The following SVIL variants were observed in gnomAD, a reference collection of about 807,000 sequenced individuals.
SVIL encodes the protein archvillin.
A neutral mutation model predicts 240.4 loss-of-function variants in SVIL; 101 were observed. The observed-to-expected ratio is 0.42, with a 90% CI of 0.36 to 0.50. SVIL has a LOEUF of 0.50. SVIL is among the 20% of genes least tolerant of loss of function. SVIL has a pLI of 0.01. For missense variants in SVIL, 2,512 were observed against 2,818.7 expected, an observed-to-expected ratio of 0.89 and a Z score of 2.46; for synonymous variants, 999 against 1,100.0, an observed-to-expected ratio of 0.91 and a Z score of 1.82.
chr10:29,612,737 T>TA (rs1957291730), intron 1 of SVIL, among the ~76,000 whole-genome samples: 1 of 152,102 alleles, frequency 6.6e-6, no homozygotes, highest in Non-Finnish European at 1.5e-5. Context: ...TCAAAAAGTT[T>TA]AAAAAACGTA....
chr10:29,620,967 AAT>A (rs1957613098), intron 1 of SVIL, among the ~76,000 whole-genome samples: 1 of 149,880 alleles, frequency 6.7e-6, no homozygotes, highest in Admixed American at 6.6e-5. Flanking sequence ...TTATTCTTAA[AAT>A]TTTTTTTTTT....
chr10:29,544,472 C>T (rs1314475807), intron 6 of SVIL, among the ~76,000 whole-genome samples: 1 of 152,044 alleles, frequency 6.6e-6, no homozygotes. Flanking sequence ...TAGGAATAGT[C>T]TGCCAGGCCC....
intron 6 of SVIL, among the ~76,000 whole-genome samples, chr10:29,542,062 G>A (rs1179092201): frequency 6.6e-6 from 1 of 152,182 alleles, no homozygotes; most frequent in African/African-American, 2.4e-5. Context: ...CGCTAAGCCT[G>A]CTGTGTAGTT....
chr10:29,704,649 A>C (rs142319144), intron 1 of SVIL, among the ~76,000 whole-genome samples: 1 of 152,154 alleles, frequency 6.6e-6, no homozygotes, highest in Non-Finnish European at 1.5e-5. Context: ...TGATCATTTG[A>C]TCATTTCCCC....
At chr10:29,669,212 T>A (rs576859776) in intron 2 of SVIL, among the ~76,000 whole-genome samples, 3 of 152,152 alleles carry the variant, frequency 2.0e-5, no homozygotes, top group South Asian at 4.1e-4. Context: ...CCAGAAGAAT[T>A]GGGGAAGAAG....
chr10:29,463,969 G>A (rs1944578315), intron 34 of SVIL, among the ~76,000 whole-genome samples: 1 of 152,222 alleles, frequency 6.6e-6, no homozygotes, highest in African/African-American at 2.4e-5. Flanking sequence ...AAGAGTGGAA[G>A]GGATAATGCA....
intron 2 of SVIL, among the ~76,000 whole-genome samples, chr10:29,668,763 T>C (rs3858234): frequency 0.19 from 29,047 of 152,210 alleles, 2,901 homozygotes; most frequent in Middle Eastern, 0.33. Context: ...TGTGAGTCAC[T>C]GCGCCCAGCC....
intron 1 of SVIL, among the ~76,000 whole-genome samples, chr10:29,606,998 A>G (rs1957053026): frequency 6.6e-6 from 1 of 152,112 alleles, no homozygotes; most frequent in Admixed American, 6.6e-5. Flanking sequence ...CAGGTGATCC[A>G]TCCACTTCGA....
chr10:29,480,365 T>TA lies in SVIL; in HGVS notation c.5377+171dup, dbSNP rs1460116250. ...TGCTAGGTTGTTAGGAATTCGGCCT[T>TA]ACTTCTTTTCATCTCTGTAGTTTAC... On this transcript the variant is annotated intron_variant, in intron 29 of 37. Transcript: ENST00000355867. Among the ~76,000 whole-genome samples the TA allele has an allele frequency of 3.3e-5, 5 of 152,290 alleles. No homozygotes were observed. In the East Asian group the frequency reaches 7.7e-4, roughly 24 times the overall value.
chr10:29,579,688 T>C (rs1264670676), intron 1 of SVIL, among the ~76,000 whole-genome samples: 1 of 152,142 alleles, frequency 6.6e-6, no homozygotes, highest in Admixed American at 6.5e-5. Flanking sequence ...ACGCTGTCAC[T>C]TGTTCTGGCT....
intron 33 of SVIL, 142 bp downstream of exon 33, chr10:29,467,600 G>T (rs975539927): frequency 2.8e-6 from 3 of 1,064,442 alleles, no homozygotes; most frequent in Non-Finnish European, 2.7e-6. Flanking sequence ...GGCTGAGGCA[G>T]GCTGATCACT....
chr10:29,678,044 G>A (rs1960335248), intron 2 of SVIL, among the ~76,000 whole-genome samples: 1 of 152,116 alleles, frequency 6.6e-6, no homozygotes, highest in Non-Finnish European at 1.5e-5. Context: ...TACCTTATCT[G>A]AAAGACAAAG....
At chr10:29,639,346 A>G (rs1182364560), upstream of SVIL, among the ~76,000 whole-genome samples, 2 of 151,610 alleles carry the variant, frequency 1.3e-5, no homozygotes, top group Non-Finnish European at 2.9e-5. Context: ...TAAGTTTTGT[A>G]TTTTTAGTAC....
At chr10:29,572,763 C>CAAAAAAAAAAAAA (rs375180538) in intron 1 of SVIL, among the ~76,000 whole-genome samples, 4 of 81,248 alleles carry the variant, frequency 4.9e-5, no homozygotes, top group Non-Finnish European at 7.0e-5. Context: ...GATCCTATCT[C>CAAAAAAAAAAAAA]AAAAAAAAAA....
In SVIL at chr10:29,490,832, G is replaced by A. The variant is rs763738065; in HGVS notation, c.4192+15C>T. 1.2e-5 allele frequency: 20 copies of A among 1,612,538 alleles called. No homozygotes were observed. In the South Asian group the frequency reaches 1.3e-4, roughly 11 times the overall value. ...TTCCCAAACACAGAAGCAGGGTGGG[G>A]GTTCAAATACTCACTCTTTTCTACT... On this transcript the variant is annotated intron_variant, in intron 22 of 37. Coordinates refer to ENST00000355867, the MANE Select transcript of SVIL (RefSeq NM_021738.3).
intron 5 of SVIL, among the ~76,000 whole-genome samples, chr10:29,552,296 C>T (rs1484668590): frequency 6.6e-6 from 1 of 151,896 alleles, no homozygotes; most frequent in Non-Finnish European, 1.5e-5. Flanking sequence ...CAACTGTAAT[C>T]CTAGCACTTT....
At chr10:29,588,166 C>A (rs1956244504) in intron 1 of SVIL, among the ~76,000 whole-genome samples, 2 of 151,668 alleles carry the variant, frequency 1.3e-5, no homozygotes, top group Non-Finnish European at 2.9e-5. Context: ...AATCTACCAG[C>A]ATTTCAACAG....
At chr10:29,692,594 C>T (rs1487258955) in intron 1 of SVIL, among the ~76,000 whole-genome samples, 1 of 150,724 alleles carries the variant, frequency 6.6e-6, no homozygotes, top group Non-Finnish European at 1.5e-5. Flanking sequence ...TTTCTCTGAA[C>T]CTTATATATA....
At chr10:29,585,067 A>G (rs1198895701) in intron 1 of SVIL, among the ~76,000 whole-genome samples, 1 of 149,450 alleles carries the variant, frequency 6.7e-6, no homozygotes, top group African/African-American at 2.5e-5. Context: ...ATGCTCAGCT[A>G]ATATTTTTAT....
Sources: gnomAD v4.1 joint callset for allele counts (sites outside exome capture counted in the v4.1 genomes callset) on GRCh38, gnomAD v4.1.1 for gene constraint, MANE v1.5 for transcripts, NCBI Gene and HGNC (gene_info 2026-07-23, HGNC 2026-07-21) for gene names.